Variants in TGM5 observed in about 807,000 individuals in gnomAD.
TGM5 encodes the protein transglutaminase 5, also known as protein-glutamine gamma-glutamyltransferase 5.
In TGM5, 69 loss-of-function variants were observed where a neutral mutation model predicts 77.2. The ratio of observed to expected loss-of-function variants is 0.89; its 90% CI spans 0.74 to 1.09. The LOEUF (loss-of-function observed/expected upper bound fraction) is 1.09, where lower values mean the gene tolerates loss of function less well. Among genes scored for constraint, TGM5 ranks in the 50% least tolerant of loss-of-function variants. The probability of loss-of-function intolerance (pLI) is 0.00; values close to 1 mark genes in which losing one functional copy is unlikely to be tolerated. For synonymous variants in TGM5, 346 were observed against 351.8 expected (o/e 0.98, Z 0.18); for missense variants, 842 against 896.5 (o/e 0.94, Z 0.78).
chr15:43,258,822 T>C (rs2042762696), intron 3 of TGM5, among the ~76,000 whole-genome samples: 1 of 151,980 alleles, frequency 6.6e-6, no homozygotes. Context: ...GCCCCATCAT[T>C]AACGCTTTTC....
At chr15:43,266,786 C>G (rs1332562513) in intron 1 of TGM5, 54 bp downstream of exon 1, 1 of 1,611,450 alleles carries the variant, frequency 6.2e-7, no homozygotes, top group Non-Finnish European at 8.5e-7. Context: ...TTCCTACAGT[C>G]TCTCTCTGTC....
chr15:43,241,090 C>T (rs1305805684), intron 6 of TGM5, 100 bp from the exon 7 acceptor site: 2 of 1,494,092 alleles, frequency 1.3e-6, no homozygotes, highest in African/African-American at 2.8e-5. Flanking sequence ...TTCCATTTGC[C>T]ATCTGCAGGA....
rs2142353462 is a variant in TGM5 at position 43,235,845 on chromosome 15, T to G, written c.1346-8A>C. On this transcript the variant is annotated splice_region_variant and splice_polypyrimidine_tract_variant and intron_variant, in intron 9 of 12. Coordinates refer to ENST00000220420, the MANE Select transcript of TGM5 (RefSeq NM_201631.4). ...GCCTCTCCTGGAGGGATCCTGAAGT[T>G]GGGGAGAGCACAGCACCAGCTGTGA... The G allele has an allele frequency of 1.2e-6, 2 of 1,613,450 alleles. No homozygotes were observed. The highest frequency in any genetic ancestry group is 1.7e-6 in the Non-Finnish European group (2 of 1,179,994).
intron 1 of TGM5, among the ~76,000 whole-genome samples, chr15:43,262,805 G>A (rs1273981220): frequency 6.6e-6 from 1 of 152,162 alleles, no homozygotes; most frequent in Non-Finnish European, 1.5e-5. Flanking sequence ...ATGCTTTCTT[G>A]CTAAGATAAG....
chr15:43,262,611 C>A (rs1488643129), intron 1 of TGM5, among the ~76,000 whole-genome samples: 2 of 151,598 alleles, frequency 1.3e-5, no homozygotes, highest in Admixed American at 6.6e-5. Flanking sequence ...ATGGTGAAAC[C>A]CTGTCTCTAC....
rs1007223695 is a variant in TGM5, at chr15:43,233,129, A to G, written c.*62T>C. 1.2e-6 allele frequency: 2 copies of G among 1,604,824 alleles called. No homozygotes were observed. Among genetic ancestry groups the G allele is most frequent in the African/African-American group, 1.3e-5 (1 of 74,760 alleles). ...TGTGGTGGGGAATGGCGCAGCTTGCATTTGAACTTGCTCCTTTTCCTGAAG... is the reference window on the plus strand; with the variant it reads ...TGTGGTGGGGAATGGCGCAGCTTGCGTTTGAACTTGCTCCTTTTCCTGAAG... On this transcript the variant is annotated 3_prime_UTR_variant, in exon 13 of 13. Transcript: ENST00000220420.
chr15:43,235,108 G>A (rs1284718041), intron 10 of TGM5, among the ~76,000 whole-genome samples, 179 bp from the exon 11 acceptor site: 1 of 152,148 alleles, frequency 6.6e-6, no homozygotes, highest in South Asian at 2.1e-4. Context: ...GGCTGCCCAA[G>A]GCCATTCTGC....
Position 43,266,884 on chromosome 15 carries a change from A to C in TGM5, c.-35T>G. On this transcript the variant is annotated 5_prime_UTR_variant, in exon 1 of 13. Coordinates refer to ENST00000220420, the MANE Select transcript of TGM5 (RefSeq NM_201631.4). ...CTCCGGTTCCTGGGATGCTCCCCAC[A>C]GAACAGCTGGGCGGTCTGGAGCTTC... The C allele has an allele frequency of 1.2e-6, 2 of 1,613,860 alleles. No homozygotes were observed. Among genetic ancestry groups the C allele is most frequent in the Admixed American group, 1.7e-5 (1 of 60,016 alleles).
In TGM5 at chr15:43,235,678, C is replaced by T. The variant is rs746460727; in HGVS notation, c.1505G>A (p.Ser502Asn). 3 of 1,614,210 alleles carry T rather than the reference C, an allele frequency of 1.9e-6. No individual in the cohort carries two copies. In the South Asian group the frequency reaches 3.3e-5, roughly 18 times the overall value. The part of the protein sequence containing the change: ...RSLHTPSLRP[S>N]DVVQVSLKFK... Reference sequence around the variant, plus strand: ...TTTCAGGGAGACTTGCACCACATCACTGGGTCGAAGGGAAGGTGTATGCAG... The same window carrying T: ...TTTCAGGGAGACTTGCACCACATCATTGGGTCGAAGGGAAGGTGTATGCAG... Residue 502 changes from serine to asparagine, a missense_variant, in exon 10 of 13, where the codon AGT becomes AAT. By Grantham distance (46) the Ser-to-Asn change is conservative (BLOSUM62 1). This residue lies in a region of TGM5 where 815 missense variants were observed against 844.6 expected (regional missense o/e 0.96). Transcript: ENST00000220420.
In TGM5 at chr15:43,258,820, A is replaced by T. The variant is rs1303590066; in HGVS notation, c.436+1232T>A. 2.0e-5 allele frequency among the ~76,000 whole-genome samples: 3 copies of T among 152,152 alleles called. No individual in the cohort carries two copies. In the South Asian group the frequency reaches 6.2e-4, roughly 32 times the overall value. ...CAAGCTCAAGAGAGAAGGCCCCATC[A>T]TTAACGCTTTTCTCCCCACTGCTCA... is the stretch of plus-strand genomic sequence containing the variant. On this transcript the variant is annotated intron_variant, in intron 3 of 12. Transcript: ENST00000220420.
At position 43,235,462 on chromosome 15, in the gene TGM5, T is replaced by G. The variant is rs2042581298; in HGVS notation, c.1714+7A>C. 3 of 1,614,050 alleles carry G rather than the reference T, an allele frequency of 1.9e-6. No homozygotes were observed. The East Asian group carries it at 6.7e-5, about 36-fold the overall frequency. On this transcript the variant is annotated splice_region_variant and intron_variant, in intron 10 of 12. Transcript: ENST00000220420. Reference sequence around the variant, plus strand: ...ACTCTGCGTACACAAACTGTGCACATGCGTACCTTCTTTAGGAGAGAGTGT... The same window carrying G: ...ACTCTGCGTACACAAACTGTGCACAGGCGTACCTTCTTTAGGAGAGAGTGT...
rs2042554379 is a variant in TGM5, at chr15:43,232,673, T to A, written c.*518A>T. The A allele has an allele frequency of 6.0e-6, 1 of 166,434 alleles. No homozygotes were observed. Among genetic ancestry groups the A allele is most frequent in the Non-Finnish European group, 1.3e-5 (1 of 75,938 alleles). The allele number at this position is 166,434 out of a possible 1,614,324, so 10.3% of individuals were successfully genotyped here. ...AAACAACAGTGAGCTGTTCAGCCTG[T>A]CTTTTTCTTTCCTGGATATCTGGGG... On this transcript the variant is annotated 3_prime_UTR_variant, in exon 13 of 13. Coordinates refer to ENST00000220420, the MANE Select transcript of TGM5 (RefSeq NM_201631.4).
chr15:43,253,483 C>T (rs1274855175), intron 5 of TGM5, 23 bp downstream of exon 5: 2 of 1,608,920 alleles, frequency 1.2e-6, no homozygotes, highest in Non-Finnish European at 1.7e-6. Context: ...TTCCTCCCTC[C>T]CCGGGCACGC....
chr15:43,264,109 C>T (rs565658), intron 1 of TGM5, among the ~76,000 whole-genome samples: 63,713 of 151,956 alleles, frequency 0.42, 15,569 homozygotes, highest in African/African-American at 0.67. Flanking sequence ...GATACCATCT[C>T]GTATCTCCTA....
At chr15:43,256,016 C>CTTTCATAA (rs1430023816) in intron 4 of TGM5, among the ~76,000 whole-genome samples, 1 of 152,160 alleles carries the variant, frequency 6.6e-6, no homozygotes, top group Non-Finnish European at 1.5e-5. Flanking sequence ...CATGTATTAA[C>CTTTCATAA]TTTCATAATT....
intron 6 of TGM5, among the ~76,000 whole-genome samples, chr15:43,246,554 C>T (rs2042671296): frequency 6.6e-6 from 1 of 152,150 alleles, no homozygotes; most frequent in Non-Finnish European, 1.5e-5. Context: ...TGAGGAACTT[C>T]CTAGAGCAGC....
intron 6 of TGM5, among the ~76,000 whole-genome samples, chr15:43,245,897 G>T (rs1218603153): frequency 3.0e-5 from 4 of 134,124 alleles, no homozygotes; most frequent in African/African-American, 1.1e-4. Flanking sequence ...GTGTGTGTGT[G>T]TTGGGGGGGG....
In TGM5 at chr15:43,252,867, G is replaced by A. The variant is rs772217763; in HGVS notation, c.754C>T (p.Pro252Ser). The A allele has an allele frequency of 6.2e-7, 1 of 1,613,902 alleles. No homozygotes were observed. The highest frequency in any genetic ancestry group is 8.5e-7 in the Non-Finnish European group (1 of 1,180,020). The stretch of plus-strand genomic sequence containing the variant: ...GCCACGCTGCCCGTCCACTCCGCAG[G>A]GTTGGCGCCGTCTGTGTAATTCTCA... ...WSENYTDGAN[P>S]AEWTGSVAIL... is the part of the protein sequence containing the mutation. Residue 252 changes from proline (P) to serine (S), a missense_variant, in exon 6 of 13, where the codon CCT becomes TCT. By Grantham distance (74) the Pro-to-Ser change is moderately conservative. This residue lies in a region of TGM5 where 815 missense variants were observed against 844.6 expected (regional missense o/e 0.96). Transcript: ENST00000220420.
chr15:43,235,799 G>A lies in TGM5; in HGVS notation c.1384C>T (p.Gln462Ter), dbSNP rs1469202330. 1.2e-6 allele frequency: 2 copies of A among 1,614,126 alleles called. No individual in the cohort carries two copies. The highest frequency in any genetic ancestry group is 1.3e-5 in the African/African-American group (1 of 75,036). ...TGGAAGCTTCTAGCCTTCAGCTTCT[G>A]CAGAGCCTTCAGAAACACCTGCCTC... ...QERQVFLKAL[Q>*]KLKARSFHGS... Residue 462 changes from glutamine (Q) to a stop codon, truncating the protein, a stop_gained, in exon 10 of 13, where the codon CAG (glutamine) becomes TAG (stop). Coordinates refer to ENST00000220420, the MANE Select transcript of TGM5 (RefSeq NM_201631.4). LOFTEE classifies it high-confidence loss of function.
Sources: allele counts gnomAD v4.1 joint callset (sites outside exome capture counted in the v4.1 genomes callset), GRCh38; gene constraint gnomAD v4.1.1; regional missense constraint gnomAD v4.1.1; transcripts MANE v1.5; gene names NCBI Gene and HGNC (gene_info 2026-07-23, HGNC 2026-07-21).